The following PDE4B variants were observed in gnomAD, a reference collection of about 807,000 sequenced individuals.
PDE4B encodes the protein 3',5'-cyclic-AMP phosphodiesterase 4B.
A neutral mutation model predicts 82.2 loss-of-function variants in PDE4B; 20 were observed. That is an observed-to-expected ratio of 0.24 (90% CI 0.17 to 0.35). The LOEUF is 0.35. Ranked by LOEUF, PDE4B falls within the 10% of genes least tolerant of loss-of-function variation. The pLI is 1.00. For synonymous variants in PDE4B, 320 were observed against 318.9 expected (o/e 1.00, Z -0.04); for missense variants, 655 against 907.2 (o/e 0.72, Z 3.57).
intron 8 of PDE4B, among the ~76,000 whole-genome samples, chr1:66,335,596 C>T (rs1275155453): frequency 6.6e-6 from 1 of 152,134 alleles, no homozygotes; most frequent in Non-Finnish European, 1.5e-5. Context: ...TCTGTTTGGC[C>T]CAAATTTCTC....
chr1:66,028,731 A>G (rs1413434591), intron 3 of PDE4B, among the ~76,000 whole-genome samples: 1 of 152,176 alleles, frequency 6.6e-6, no homozygotes, highest in Non-Finnish European at 1.5e-5. Context: ...TCTCTAGGGG[A>G]GGGGCAAAAT....
At chr1:65,926,631 G>A (rs1434644403) in intron 3 of PDE4B, among the ~76,000 whole-genome samples, 1 of 152,128 alleles carries the variant, frequency 6.6e-6, no homozygotes, top group African/African-American at 2.4e-5. Flanking sequence ...GAACATCTGA[G>A]TTTGCAATAG....
intron 7 of PDE4B, among the ~76,000 whole-genome samples, chr1:66,329,378 C>T (rs1334277224): frequency 6.6e-6 from 1 of 152,092 alleles, no homozygotes; most frequent in Non-Finnish European, 1.5e-5. Context: ...AAAAAACCAC[C>T]ATGACAAGTT....
At chr1:65,857,919 T>G (rs575400266) in intron 1 of PDE4B, among the ~76,000 whole-genome samples, 2 of 152,014 alleles carry the variant, frequency 1.3e-5, no homozygotes, top group East Asian at 3.9e-4. Context: ...AGACTTCACA[T>G]AGGCCACCAT....
chr1:66,252,115 G>A (rs1182264067), intron 4 of PDE4B, among the ~76,000 whole-genome samples: 3 of 152,188 alleles, frequency 2.0e-5, no homozygotes, highest in Admixed American at 2.0e-4. Context: ...GGATCAGCAG[G>A]AGTTAGTGTT....
At position 65,920,959 on chromosome 1, in the gene PDE4B, C is replaced by CTTTTTTTT. The variant is rs71058435; in HGVS notation, c.281+2144_281+2151dup. Among the ~76,000 whole-genome samples, 11 of 68,176 alleles carry CTTTTTTTT rather than the reference C, an allele frequency of 1.6e-4. 1 individual carries two copies. Among genetic ancestry groups the CTTTTTTTT allele is most frequent in the Admixed American group, 7.8e-4 (4 of 5,098 alleles). 44.7% of individuals were successfully genotyped at this position (68,176 alleles called of 152,430 possible). On this transcript the variant is annotated intron_variant, in intron 3 of 16. Transcript: ENST00000341517. Reference sequence around the variant, plus strand: ...AAAACATAAGTAACTAAAAGCATTTCTTTTTTTTTTTTTTTTTTTTTTTTT... The same window carrying CTTTTTTTT: ...AAAACATAAGTAACTAAAAGCATTTCTTTTTTTTTTTTTTTTTTTTTTTTTTTTTTTTT...
At chr1:66,057,132 C>A (rs571877665) in intron 3 of PDE4B, among the ~76,000 whole-genome samples, 3 of 151,894 alleles carry the variant, frequency 2.0e-5, no homozygotes, top group Non-Finnish European at 4.4e-5. Context: ...TATAGGAGTC[C>A]CCAGTTTGGT....
Position 65,951,922 on chromosome 1 carries a change from A to G in PDE4B, c.281+33087A>G, listed in dbSNP as rs72916427. 1.6e-3 allele frequency among the ~76,000 whole-genome samples: 243 copies of G among 152,166 alleles called. 1 individual carries two copies. Among genetic ancestry groups the G allele is most frequent in the African/African-American group, 5.6e-3 (233 of 41,526 alleles). ...AATCCCGATACTCTAAGGTTTGGCA[A>G]TGGAGGATGAATATCCCTTTAGGGA... On this transcript the variant is annotated intron_variant, in intron 3 of 16. Coordinates refer to ENST00000341517, the MANE Select transcript of PDE4B (RefSeq NM_002600.4).
chr1:66,066,312 A>G (rs1235848962), intron 3 of PDE4B, among the ~76,000 whole-genome samples: 2 of 151,790 alleles, frequency 1.3e-5, no homozygotes, highest in African/African-American at 2.4e-5. Context: ...ATTAATTAGT[A>G]TACATTTTTT....
intron 3 of PDE4B, among the ~76,000 whole-genome samples, chr1:65,963,401 A>T (rs1321218534): frequency 6.6e-6 from 1 of 152,212 alleles, no homozygotes; most frequent in Non-Finnish European, 1.5e-5. Flanking sequence ...CGCAGCTGTC[A>T]GTAAATGCCT....
chr1:65,913,531 C>T (rs1647121310), intron 2 of PDE4B, among the ~76,000 whole-genome samples, 175 bp downstream of exon 2: 1 of 152,308 alleles, frequency 6.6e-6, no homozygotes, highest in South Asian at 2.1e-4. Flanking sequence ...ACAGCAGGAA[C>T]AATGCCCTCT....
intron 3 of PDE4B, among the ~76,000 whole-genome samples, chr1:65,946,642 T>C (rs1044480874): frequency 6.6e-6 from 1 of 151,988 alleles, no homozygotes; most frequent in Admixed American, 6.6e-5. Context: ...GTACTGTAGA[T>C]GTCATAGCCT....
intron 3 of PDE4B, among the ~76,000 whole-genome samples, chr1:66,005,799 T>A (rs778884390): frequency 5.9e-5 from 9 of 152,196 alleles, no homozygotes; most frequent in Non-Finnish European, 1.3e-4. Flanking sequence ...GAAGGAGCTA[T>A]CTTCATGAAT....
At chr1:65,841,045 C>A (rs1007588756) in intron 1 of PDE4B, among the ~76,000 whole-genome samples, 22 of 152,078 alleles carry the variant, frequency 1.4e-4, no homozygotes, top group Non-Finnish European at 2.9e-4. Context: ...ACCGGTAATC[C>A]CAGCACTTTG....
intron 3 of PDE4B, among the ~76,000 whole-genome samples, chr1:66,045,878 G>C (rs1271639255): frequency 2.0e-5 from 3 of 151,832 alleles, no homozygotes; most frequent in South Asian, 2.1e-4. Context: ...GTTAAATAAG[G>C]CTGAGCATAG....
intron 1 of PDE4B, among the ~76,000 whole-genome samples, chr1:65,911,302 C>T (rs1273744232): frequency 1.3e-5 from 2 of 152,122 alleles, no homozygotes; most frequent in South Asian, 2.1e-4. Flanking sequence ...TATTGTTCTA[C>T]ATTTTCTCCA....
intron 16 of PDE4B, among the ~76,000 whole-genome samples, chr1:66,369,380 CG>C (rs1443288916): frequency 6.6e-6 from 1 of 152,224 alleles, no homozygotes. Flanking sequence ...ATCAAGCCCA[CG>C]GTGACCATCA....
chr1:66,301,117 A>G (rs1320887323), intron 7 of PDE4B, among the ~76,000 whole-genome samples: 1 of 152,158 alleles, frequency 6.6e-6, no homozygotes, highest in African/African-American at 2.4e-5. Flanking sequence ...AAAGGCCCAT[A>G]GTACAGCTAT....
intron 3 of PDE4B, among the ~76,000 whole-genome samples, chr1:66,083,026 AT>A (rs1189535837): frequency 6.6e-6 from 1 of 152,202 alleles, no homozygotes; most frequent in East Asian, 1.9e-4. Flanking sequence ...TCTTCAAAGT[AT>A]TTCAAAGTCT....
Sources: gnomAD v4.1 joint callset for allele counts (sites outside exome capture counted in the v4.1 genomes callset) on GRCh38, gnomAD v4.1.1 for gene constraint, MANE v1.5 for transcripts, NCBI Gene and HGNC (gene_info 2026-07-23, HGNC 2026-07-21) for gene names.